The following DGKH variants were observed in gnomAD, a reference collection of about 807,000 sequenced individuals.
DGKH encodes diacylglycerol kinase eta, also known as DAG kinase eta.
Under a neutral mutation model 159.3 loss-of-function variants are expected in DGKH, and 90 were observed. That is an observed-to-expected ratio of 0.57 (90% confidence interval 0.48 to 0.67). The LOEUF (loss-of-function observed/expected upper bound fraction) is 0.67, where lower values mean the gene tolerates loss of function less well. DGKH is among the 30% of genes least tolerant of loss of function. The pLI is 0.00. For missense variants in DGKH, 1,181 were observed against 1,506.1 expected (o/e 0.78, Z 3.57); for synonymous variants, 536 against 553.8 (o/e 0.97, Z 0.45).
At chr13:42,188,625 G>A (rs974140571) in intron 14 of DGKH, among the ~76,000 whole-genome samples, 5 of 152,054 alleles carry the variant, frequency 3.3e-5, no homozygotes, top group Non-Finnish European at 7.4e-5. Flanking sequence ...TTTATATAAA[G>A]CATCCCTTTG....
intron 18 of DGKH, 57 bp downstream of exon 18, chr13:42,198,652 T>C (rs150115481): frequency 1.1e-5 from 13 of 1,137,944 alleles, no homozygotes; most frequent in African/African-American, 1.6e-5. Context: ...TTTTTTTTTT[T>C]CAACATGAAC....
chr13:42,150,069 T>C (rs9590670), intron 3 of DGKH, among the ~76,000 whole-genome samples: 19,251 of 152,192 alleles, frequency 0.13, 1,585 homozygotes, highest in Admixed American at 0.22. Context: ...ACTAAGTACT[T>C]TTTAGATTTT....
At chr13:42,056,495 A>T (rs1053982434) in intron 1 of DGKH, among the ~76,000 whole-genome samples, 1 of 152,174 alleles carries the variant, frequency 6.6e-6, no homozygotes, top group East Asian at 1.9e-4. Context: ...TCTATTTAGC[A>T]TTTTATTGGT....
intron 1 of DGKH, among the ~76,000 whole-genome samples, chr13:42,120,080 T>C (rs559577250): frequency 6.6e-6 from 1 of 152,320 alleles, no homozygotes; most frequent in Admixed American, 6.5e-5. Context: ...ACCATGAAAC[T>C]GGATAGGACA....
At chr13:42,224,980 A>C (rs1156295565) in intron 29 of DGKH, among the ~76,000 whole-genome samples, 1 of 152,098 alleles carries the variant, frequency 6.6e-6, no homozygotes, top group Non-Finnish European at 1.5e-5. Context: ...GGAGTGCAGT[A>C]ATGCAATCAT....
At chr13:42,130,804 C>T (rs973408211) in intron 3 of DGKH, among the ~76,000 whole-genome samples, 20 of 151,966 alleles carry the variant, frequency 1.3e-4, no homozygotes, top group Non-Finnish European at 2.2e-4. Context: ...AAATATTCCT[C>T]CCCGTCTCCC....
At chr13:42,128,912 G>A (rs934166564) in intron 2 of DGKH, among the ~76,000 whole-genome samples, 3 of 152,132 alleles carry the variant, frequency 2.0e-5, no homozygotes, top group African/African-American at 4.8e-5. Context: ...GCGGTGCACC[G>A]TTATCCCTGC....
chr13:42,204,159 C>A (rs955101896), intron 20 of DGKH, among the ~76,000 whole-genome samples: 2 of 151,996 alleles, frequency 1.3e-5, no homozygotes, highest in Admixed American at 1.3e-4. Flanking sequence ...TAAAATATTT[C>A]TTTTATATTT....
At chr13:42,243,900 A>G (rs1443827905), downstream of DGKH, among the ~76,000 whole-genome samples, 1 of 152,186 alleles carries the variant, frequency 6.6e-6, no homozygotes, top group Non-Finnish European at 1.5e-5. Context: ...AGCAGAGGAC[A>G]AGGAGATCGG....
intron 24 of DGKH, among the ~76,000 whole-genome samples, chr13:42,214,252 C>T (rs1331165820): frequency 1.3e-5 from 2 of 152,156 alleles, no homozygotes; most frequent in African/African-American, 2.4e-5. Flanking sequence ...CAAAATAGCA[C>T]TTCAATATGT....
At chr13:42,069,870 C>A in intron 1 of DGKH, 1 of 763,786 alleles carries the variant, frequency 1.3e-6, no homozygotes, top group African/African-American at 1.7e-5. Flanking sequence ...CCCCCAGATA[C>A]CTTTCCCGAT....
chr13:42,044,955 T>A (rs758804599), upstream of DGKH, among the ~76,000 whole-genome samples: 33 of 152,194 alleles, frequency 2.2e-4, 1 homozygote, highest in Non-Finnish European at 2.9e-4. Flanking sequence ...AATGTGGAAG[T>A]ATTTACAAAG....
chr13:42,117,076 T>C (rs529161934), intron 1 of DGKH, among the ~76,000 whole-genome samples: 8 of 152,222 alleles, frequency 5.3e-5, no homozygotes, highest in Non-Finnish European at 1.0e-4. Flanking sequence ...AAATGGCAGT[T>C]AATACAAATG....
intron 13 of DGKH, among the ~76,000 whole-genome samples, chr13:42,186,530 T>A (rs1469531653): frequency 6.6e-6 from 1 of 152,216 alleles, no homozygotes; most frequent in Non-Finnish European, 1.5e-5. Flanking sequence ...AATGAATAGA[T>A]TTACAGAGAA....
At chr13:42,143,840 A>C (rs1224690354) in intron 3 of DGKH, among the ~76,000 whole-genome samples, 2 of 151,790 alleles carry the variant, frequency 1.3e-5, no homozygotes, top group African/African-American at 4.8e-5. Context: ...TTGATCTTTT[A>C]AAAAAACCAG....
Position 42,230,482 on chromosome 13 carries a change from T to C in DGKH, c.*1294T>C, listed in dbSNP as rs1210874515. The stretch of plus-strand genomic sequence containing the variant: ...ATCAAATCTTTGAAAGCCAAAGGCA[T>C]ACGTATCAAAAAGTCACAAAAATAT... On this transcript the variant is annotated 3_prime_UTR_variant, in exon 30 of 30. Transcript: ENST00000337343. 1 of 152,124 alleles carries C rather than the reference T, an allele frequency of 6.6e-6. No individual in the cohort carries two copies. Among genetic ancestry groups the C allele is most frequent in the Non-Finnish European group, 1.5e-5 (1 of 68,010 alleles). 9.4% of individuals were successfully genotyped at this position (152,124 alleles called of 1,614,324 possible).
intron 3 of DGKH, among the ~76,000 whole-genome samples, chr13:42,150,122 G>A (rs1298935982): frequency 6.6e-6 from 1 of 152,166 alleles, no homozygotes; most frequent in African/African-American, 2.4e-5. Context: ...GTATTATATA[G>A]TGAAATGAAA....
chr13:42,115,161 T>A (rs923543819), intron 1 of DGKH, among the ~76,000 whole-genome samples: 1 of 152,234 alleles, frequency 6.6e-6, no homozygotes, highest in Non-Finnish European at 1.5e-5. Context: ...TTTTGTTTTA[T>A]GCTTCCTGCC....
chr13:42,111,688 A>G (rs1954865696), intron 1 of DGKH, among the ~76,000 whole-genome samples: 1 of 152,274 alleles, frequency 6.6e-6, no homozygotes, highest in Admixed American at 6.5e-5. Context: ...ACAAAATAAT[A>G]AAGATATTTG....
Sources: allele counts gnomAD v4.1 joint callset (sites outside exome capture counted in the v4.1 genomes callset), GRCh38; gene constraint gnomAD v4.1.1; transcripts MANE v1.5; gene names NCBI Gene and HGNC (gene_info 2026-07-23, HGNC 2026-07-21).